The following DOCK3 variants were observed in gnomAD, a reference collection of about 807,000 sequenced individuals.
DOCK3 encodes dedicator of cytokinesis protein 3.
DOCK3 carries 60 observed loss-of-function variants against 265.6 expected under a neutral mutation model. The ratio of observed to expected loss-of-function variants is 0.23; its 90% CI spans 0.18 to 0.28. The LOEUF is 0.28. Among genes scored for constraint, DOCK3 ranks in the 10% least tolerant of loss-of-function variants. DOCK3 has a pLI of 1.00. For synonymous variants in DOCK3, 881 were observed against 938.0 expected (o/e 0.94, Z 1.11); for missense variants, 1,981 against 2,594.3 (o/e 0.76, Z 5.14).
intron 2 of DOCK3, among the ~76,000 whole-genome samples, chr3:50,811,087 C>G (rs1312602317): frequency 6.6e-6 from 1 of 152,046 alleles, no homozygotes; most frequent in Non-Finnish European, 1.5e-5. Flanking sequence ...CTCTTACAAA[C>G]CAAGAAGAAT....
At chr3:50,939,572 G>T (rs2051583240) in intron 5 of DOCK3, among the ~76,000 whole-genome samples, 1 of 151,782 alleles carries the variant, frequency 6.6e-6, no homozygotes, top group South Asian at 2.1e-4. Context: ...GGATGGTTCA[G>T]TATTTGAAAA....
At chr3:50,947,696 G>T (rs1342371299) in intron 5 of DOCK3, among the ~76,000 whole-genome samples, 1 of 152,002 alleles carries the variant, frequency 6.6e-6, no homozygotes, top group Non-Finnish European at 1.5e-5. Flanking sequence ...CTAAAGGCTA[G>T]ACAACACTAC....
intron 5 of DOCK3, among the ~76,000 whole-genome samples, chr3:50,993,435 A>C (rs2078177189): frequency 6.6e-6 from 1 of 152,232 alleles, no homozygotes; most frequent in Non-Finnish European, 1.5e-5. Context: ...GCAAGGAGAT[A>C]TAAATAGCTC....
intron 9 of DOCK3, among the ~76,000 whole-genome samples, chr3:51,132,328 C>T (rs553794784): frequency 1.3e-5 from 2 of 152,146 alleles, no homozygotes; most frequent in Non-Finnish European, 2.9e-5. Flanking sequence ...AAAACTCAAG[C>T]AGTTCTTTTC....
At chr3:50,807,612 A>G (rs879367994) in intron 2 of DOCK3, among the ~76,000 whole-genome samples, 12 of 152,250 alleles carry the variant, frequency 7.9e-5, no homozygotes, top group Non-Finnish European at 1.5e-4. Flanking sequence ...ACAGTAAGGT[A>G]GGAAACATAC....
At chr3:50,787,990 A>G (rs2042274559) in intron 2 of DOCK3, 1 of 820,972 alleles carries the variant, frequency 1.2e-6, no homozygotes, top group African/African-American at 1.7e-5. Context: ...TGTCATCAGA[A>G]TTCTCCTGGT....
At chr3:50,742,291 C>T (rs1372042090) in intron 1 of DOCK3, among the ~76,000 whole-genome samples, 2 of 152,174 alleles carry the variant, frequency 1.3e-5, no homozygotes, top group African/African-American at 4.8e-5. Context: ...CAGAGCGCCT[C>T]TCCTCCTCCA....
intron 5 of DOCK3, among the ~76,000 whole-genome samples, chr3:50,968,738 C>A (rs890623572): frequency 6.6e-6 from 1 of 151,956 alleles, no homozygotes. Context: ...TTAGTAGAGA[C>A]GGGGTTTCAC....
intron 3 of DOCK3, among the ~76,000 whole-genome samples, chr3:50,883,245 A>G (rs972445066): frequency 2.0e-5 from 3 of 152,052 alleles, no homozygotes; most frequent in African/African-American, 4.8e-5. Flanking sequence ...GTGCACATGT[A>G]CCCTAGAACT....
rs117030312 is a variant in DOCK3 at position 51,228,550 on chromosome 3, A to G, written c.1648-111A>G. On this transcript the variant is annotated intron_variant, in intron 17 of 52. Transcript: ENST00000266037. ...CTCTTCCAAGAGGACCTGAGGCCCA[A>G]CGTTCAGCCTTAGGAAGATGAGAGC... The G allele has an allele frequency of 8.0e-4, 989 of 1,234,172 alleles. 6 individuals carry two copies. The highest frequency in any genetic ancestry group is 3.1e-3 in the East Asian group (127 of 40,596). The allele number at this position is 1,234,172 out of a possible 1,614,324, so 76.5% of individuals were successfully genotyped here.
At chr3:51,346,111 C>G (rs767893125) in intron 38 of DOCK3, among the ~76,000 whole-genome samples, 5 of 152,026 alleles carry the variant, frequency 3.3e-5, no homozygotes, top group East Asian at 1.9e-4. Context: ...ATCAAGTAAA[C>G]TAATGACCCT....
intron 1 of DOCK3, among the ~76,000 whole-genome samples, chr3:50,678,263 C>T (rs1013013440): frequency 6.6e-6 from 1 of 152,076 alleles, no homozygotes; most frequent in East Asian, 1.9e-4. Flanking sequence ...CTCTGCTTTC[C>T]TTTCTGTTGC....
chr3:50,931,262 G>A (rs949380740), intron 4 of DOCK3, among the ~76,000 whole-genome samples: 10 of 152,194 alleles, frequency 6.6e-5, no homozygotes, highest in Admixed American at 6.5e-4. Flanking sequence ...TCAGACCCAA[G>A]CCTCTTCTAG....
intron 27 of DOCK3, among the ~76,000 whole-genome samples, chr3:51,288,278 G>A (rs1315752824): frequency 6.6e-6 from 1 of 151,802 alleles, no homozygotes; most frequent in East Asian, 1.9e-4. Context: ...TGTAATCCCA[G>A]CTACTCAGGA....
chr3:51,139,264 G>A (rs1343302568), intron 9 of DOCK3, among the ~76,000 whole-genome samples: 1 of 150,994 alleles, frequency 6.6e-6, no homozygotes, highest in Non-Finnish European at 1.5e-5. Flanking sequence ...TGGGGGGAGG[G>A]CTAAGATGTA....
At chr3:50,700,673 C>T (rs888565063) in intron 1 of DOCK3, among the ~76,000 whole-genome samples, 1 of 151,940 alleles carries the variant, frequency 6.6e-6, no homozygotes. Context: ...TATCTTTATC[C>T]ATATCCATTG....
intron 9 of DOCK3, among the ~76,000 whole-genome samples, chr3:51,106,808 G>C (rs2083299751): frequency 6.6e-6 from 1 of 152,204 alleles, no homozygotes; most frequent in African/African-American, 2.4e-5. Context: ...TACTTCAAAT[G>C]CTTGAATGGA....
intron 5 of DOCK3, among the ~76,000 whole-genome samples, chr3:50,961,502 G>C (rs2076885427): frequency 1.3e-5 from 2 of 152,114 alleles, no homozygotes; most frequent in Admixed American, 6.5e-5. Context: ...GTTGAAACTT[G>C]GTGATATCTG....
At chr3:51,280,914 G>T (rs1207855193) in intron 27 of DOCK3, among the ~76,000 whole-genome samples, 1 of 151,966 alleles carries the variant, frequency 6.6e-6, no homozygotes, top group Middle Eastern at 3.2e-3. Flanking sequence ...CAATTCTTTT[G>T]CTATTCTTCA....
Sources: allele counts gnomAD v4.1 joint callset (sites outside exome capture counted in the v4.1 genomes callset), GRCh38; gene constraint gnomAD v4.1.1; transcripts MANE v1.5; gene names NCBI Gene and HGNC (gene_info 2026-07-23, HGNC 2026-07-21).